TSPAN15: variants seen among roughly 807,000 people sequenced by gnomAD.
TSPAN15 encodes tetraspanin 15.
Under a neutral mutation model 34.5 loss-of-function variants are expected in TSPAN15, and 20 were observed. The observed-to-expected ratio is 0.58, with a 90% confidence interval of 0.41 to 0.84. The LOEUF (loss-of-function observed/expected upper bound fraction) is 0.84, where lower values mean the gene tolerates loss of function less well. TSPAN15 is among the 40% of genes least tolerant of loss of function. The pLI, the probability that TSPAN15 is intolerant of heterozygous loss-of-function variation, is 0.00. For missense variants in TSPAN15, 313 were observed against 386.1 expected (o/e 0.81, Z 1.59); for synonymous variants, 155 against 153.9 (o/e 1.01, Z -0.05).
At chr10:69,485,286 G>C (rs1841828864) in intron 3 of TSPAN15, 71 bp downstream of exon 3, 2 of 1,340,576 alleles carry the variant, frequency 1.5e-6, no homozygotes, top group Non-Finnish European at 2.1e-6. Flanking sequence ...GGGCTAACTG[G>C]GGGTATGGCA....
At chr10:69,531,952 A>AAAAAAAAAAAAAC in the TSPAN15 span, among the ~76,000 whole-genome samples, 1 of 100,822 alleles carries the variant, frequency 9.9e-6, no homozygotes, top group African/African-American at 3.2e-5. Flanking sequence ...AAAAAAAAAC[A>AAAAAAAAAAAAAC]AAAAAAAAAC....
chr10:69,492,848 T>A (rs1242680898), intron 3 of TSPAN15, among the ~76,000 whole-genome samples: 1 of 152,254 alleles, frequency 6.6e-6, no homozygotes. Flanking sequence ...GTGCTGTAAG[T>A]GGGCCAGTGG....
At chr10:69,529,326 G>A in the TSPAN15 span, among the ~76,000 whole-genome samples, 9 of 147,986 alleles carry the variant, frequency 6.1e-5, 1 homozygote, top group East Asian at 5.0e-4. Context: ...GCTCATCCCC[G>A]CTGCAGCAAG....
the TSPAN15 span, among the ~76,000 whole-genome samples, chr10:69,539,453 AG>A: frequency 3.8e-5 from 1 of 26,660 alleles, no homozygotes; most frequent in African/African-American, 1.2e-4. Flanking sequence ...AAGAAGAAGA[AG>A]AAGAAGAAGG....
intron 1 of TSPAN15, among the ~76,000 whole-genome samples, chr10:69,471,369 G>A (rs1416412257): frequency 1.3e-5 from 2 of 152,152 alleles, no homozygotes; most frequent in Non-Finnish European, 2.9e-5. Context: ...AACACTCGAT[G>A]TGGCAGTGGA....
At chr10:69,503,267 T>C (rs1438699249) in intron 5 of TSPAN15, among the ~76,000 whole-genome samples, 2 of 152,220 alleles carry the variant, frequency 1.3e-5, no homozygotes, top group African/African-American at 2.4e-5. Context: ...AGATGACATC[T>C]GAGGCCCAAC....
chr10:69,527,832 G>A, the TSPAN15 span, among the ~76,000 whole-genome samples: 1 of 147,808 alleles, frequency 6.8e-6, no homozygotes, highest in African/African-American at 2.5e-5. Context: ...GGGACTGTGG[G>A]TGGGGATAGG....
At chr10:69,533,315 A>T in the TSPAN15 span, among the ~76,000 whole-genome samples, 2 of 152,216 alleles carry the variant, frequency 1.3e-5, no homozygotes, top group African/African-American at 4.8e-5. Flanking sequence ...ATATATATAT[A>T]TAAAACGGAA....
the TSPAN15 span, among the ~76,000 whole-genome samples, chr10:69,519,783 A>G: frequency 6.6e-6 from 1 of 152,188 alleles, no homozygotes; most frequent in African/African-American, 2.4e-5. Flanking sequence ...CCCAGGCTAG[A>G]GTGCAATGGC....
At chr10:69,546,856 C>T in the TSPAN15 span, among the ~76,000 whole-genome samples, 4 of 152,110 alleles carry the variant, frequency 2.6e-5, no homozygotes, top group Non-Finnish European at 5.9e-5. Context: ...TCAAAGAGTT[C>T]TGTGAGGCCG....
At chr10:69,499,955 C>T (rs916144727) in intron 5 of TSPAN15, among the ~76,000 whole-genome samples, 7 of 152,034 alleles carry the variant, frequency 4.6e-5, no homozygotes, top group Non-Finnish European at 8.8e-5. Flanking sequence ...CATGGGTACC[C>T]CGAAGGCCAC....
the TSPAN15 span, among the ~76,000 whole-genome samples, chr10:69,521,852 A>G: frequency 6.8e-6 from 1 of 147,434 alleles, no homozygotes; most frequent in Non-Finnish European, 1.5e-5. Context: ...CTTGGCCTCC[A>G]TAATGACATT....
At chr10:69,488,337 A>T (rs1589644446) in intron 3 of TSPAN15, among the ~76,000 whole-genome samples, 2 of 152,294 alleles carry the variant, frequency 1.3e-5, no homozygotes, top group East Asian at 3.9e-4. Flanking sequence ...ATGATGGAGA[A>T]AAAGGTGAGG....
the TSPAN15 span, among the ~76,000 whole-genome samples, chr10:69,548,571 G>A: frequency 6.6e-6 from 1 of 152,244 alleles, no homozygotes; most frequent in African/African-American, 2.4e-5. Flanking sequence ...TCTGGTCTGT[G>A]ATGCAGGGAT....
the TSPAN15 span, among the ~76,000 whole-genome samples, chr10:69,514,977 A>G: frequency 6.6e-6 from 1 of 152,078 alleles, no homozygotes; most frequent in Admixed American, 6.5e-5. Context: ...GACCTCCCTA[A>G]TTAGACTCTT....
chr10:69,473,886 G>A (rs1464277432), intron 1 of TSPAN15, among the ~76,000 whole-genome samples: 3 of 152,110 alleles, frequency 2.0e-5, no homozygotes, highest in South Asian at 2.1e-4. Flanking sequence ...GTACAGTTCC[G>A]ATGTGGGATT....
intron 3 of TSPAN15, 79 bp from the exon 4 acceptor site, chr10:69,495,515 A>G: frequency 1.9e-6 from 2 of 1,074,668 alleles, no homozygotes; most frequent in Non-Finnish European, 2.9e-6. Context: ...TTCTCTACCC[A>G]TCCAGGCTTC....
chr10:69,484,529 A>T (rs1288022000), intron 2 of TSPAN15, among the ~76,000 whole-genome samples: 2 of 152,210 alleles, frequency 1.3e-5, no homozygotes, highest in Non-Finnish European at 2.9e-5. Flanking sequence ...TTCACTCTGC[A>T]CTTGTGTGTC....
chr10:69,474,940 G>A (rs1307007539), intron 1 of TSPAN15, among the ~76,000 whole-genome samples: 1 of 152,134 alleles, frequency 6.6e-6, no homozygotes, highest in Non-Finnish European at 1.5e-5. Flanking sequence ...GAGTCAGCGG[G>A]GTCTGGGGGG....
Sources: gnomAD v4.1 joint callset for allele counts (sites outside exome capture counted in the v4.1 genomes callset) on GRCh38, gnomAD v4.1.1 for gene constraint, MANE v1.5 for transcripts, NCBI Gene and HGNC (gene_info 2026-07-23, HGNC 2026-07-21) for gene names.